SLC30A8: variants seen among roughly 807,000 people sequenced by gnomAD.
SLC30A8 encodes solute carrier family 30 member 8, also known as proton-coupled zinc antiporter SLC30A8.
Under a neutral mutation model 36.9 loss-of-function variants are expected in SLC30A8, and 27 were observed. That is an observed-to-expected ratio of 0.73 (90% confidence interval 0.54 to 1.01). SLC30A8 has a LOEUF of 1.01. Among genes scored for constraint, SLC30A8 ranks in the 50% least tolerant of loss-of-function variants. SLC30A8 has a pLI of 0.00. For synonymous variants in SLC30A8, 164 were observed against 172.4 expected, an observed-to-expected ratio of 0.95 and a Z score of 0.38; for missense variants, 439 against 452.0, an observed-to-expected ratio of 0.97 and a Z score of 0.26.
At chr8:117,166,204 AT>A (rs895640564) in intron 6 of SLC30A8, among the ~76,000 whole-genome samples, 1 of 152,190 alleles carries the variant, frequency 6.6e-6, no homozygotes, top group African/African-American at 2.4e-5. Context: ...ATCACTATGA[AT>A]TATCTGTATG....
upstream of SLC30A8, among the ~76,000 whole-genome samples, chr8:117,130,704 G>T (rs1231929207): frequency 6.6e-6 from 1 of 151,854 alleles, no homozygotes; most frequent in Non-Finnish European, 1.5e-5. Flanking sequence ...TAAATAAAAA[G>T]ACATATAGTT....
At chr8:117,094,723 T>C (rs536252149) in intron 2 of SLC30A8, among the ~76,000 whole-genome samples, 13 of 152,196 alleles carry the variant, frequency 8.5e-5, no homozygotes, top group Non-Finnish European at 1.6e-4. Context: ...GGTGGGGCTT[T>C]ACCTGGGACC....
intron 1 of SLC30A8, among the ~76,000 whole-genome samples, chr8:116,963,488 C>T (rs1814499798): frequency 6.6e-6 from 1 of 152,216 alleles, no homozygotes; most frequent in East Asian, 1.9e-4. Flanking sequence ...ATGGATTTGT[C>T]AATTCTGAAT....
At chr8:117,009,854 G>T (rs966753024) in intron 1 of SLC30A8, among the ~76,000 whole-genome samples, 1 of 152,154 alleles carries the variant, frequency 6.6e-6, no homozygotes, top group South Asian at 2.1e-4. Context: ...TATGTCATGG[G>T]AACATTTTTT....
chr8:116,964,484 C>A (rs372634982), intron 1 of SLC30A8, among the ~76,000 whole-genome samples: 25 of 152,272 alleles, frequency 1.6e-4, no homozygotes, highest in African/African-American at 6.0e-4. Flanking sequence ...TTAAGGGGGG[C>A]AGCCAGCTCC....
chr8:117,066,355 G>A (rs1818170032), intron 2 of SLC30A8, among the ~76,000 whole-genome samples: 1 of 152,168 alleles, frequency 6.6e-6, no homozygotes, highest in South Asian at 2.1e-4. Context: ...CTTGTTCAGA[G>A]ATTTTAAATT....
At chr8:116,981,030 A>G (rs1362308292) in intron 1 of SLC30A8, among the ~76,000 whole-genome samples, 1 of 152,182 alleles carries the variant, frequency 6.6e-6, no homozygotes, top group African/African-American at 2.4e-5. Context: ...GAGGGTCACA[A>G]ATTCAGGCAG....
chr8:117,036,824 A>C (rs1586427614), intron 1 of SLC30A8, among the ~76,000 whole-genome samples: 1 of 152,140 alleles, frequency 6.6e-6, no homozygotes, highest in Non-Finnish European at 1.5e-5. Flanking sequence ...CTGAGACTCG[A>C]TGTGGCCCAG....
intron 2 of SLC30A8, among the ~76,000 whole-genome samples, chr8:117,042,014 A>T (rs1817403186): frequency 6.6e-6 from 1 of 152,242 alleles, no homozygotes; most frequent in African/African-American, 2.4e-5. Context: ...TACAGTCTTC[A>T]TCTCTATCCT....
intron 1 of SLC30A8, among the ~76,000 whole-genome samples, chr8:116,953,881 T>A (rs559967972): frequency 6.6e-6 from 1 of 152,324 alleles, no homozygotes; most frequent in Admixed American, 6.5e-5. Flanking sequence ...AATTCATTCA[T>A]GAGATTTAAG....
intron 2 of SLC30A8, chr8:117,056,116 A>AT (rs1817862574): frequency 2.0e-5 from 3 of 152,312 alleles, no homozygotes; most frequent in Non-Finnish European, 4.4e-5. Flanking sequence ...CCTCCAGTAA[A>AT]GATGGTTGAT....
chr8:117,076,727 T>C (rs1230203861), intron 2 of SLC30A8, among the ~76,000 whole-genome samples: 1 of 152,128 alleles, frequency 6.6e-6, no homozygotes. Flanking sequence ...TTTATCTATC[T>C]CCACTGGACT....
At chr8:117,098,029 AT>A (rs1392182111) in intron 2 of SLC30A8, among the ~76,000 whole-genome samples, 1 of 134,126 alleles carries the variant, frequency 7.5e-6, no homozygotes, top group Non-Finnish European at 1.5e-5. Flanking sequence ...AAATAAATAT[AT>A]TAAATAAATA....
chr8:117,172,997 A>C lies in SLC30A8; in HGVS notation c.*316A>C, dbSNP rs1309612468. The C allele has an allele frequency of 3.6e-6, 1 of 278,942 alleles. No homozygotes were observed. The highest frequency in any genetic ancestry group is 6.7e-6 in the Non-Finnish European group (1 of 148,596). 17.3% of individuals were successfully genotyped at this position (278,942 alleles called of 1,614,324 possible). Reference sequence around the variant, plus strand: ...AAATTCATCTCCCTTCCAATAATGCATCTTGAGAACACATAGGTAAATTTG... The same window carrying C: ...AAATTCATCTCCCTTCCAATAATGCCTCTTGAGAACACATAGGTAAATTTG... On this transcript the variant is annotated 3_prime_UTR_variant, in exon 8 of 8. Transcript: ENST00000456015.
chr8:117,161,702 C>A (rs201272819), intron 4 of SLC30A8, 36 bp from the exon 5 acceptor site: 15 of 1,584,006 alleles, frequency 9.5e-6, no homozygotes, highest in Non-Finnish European at 1.2e-5. Flanking sequence ...TTAAGACTGA[C>A]CTCATGTGTG....
intron 1 of SLC30A8, among the ~76,000 whole-genome samples, chr8:116,976,895 C>T (rs975639666): frequency 4.7e-5 from 7 of 150,132 alleles, no homozygotes; most frequent in Admixed American, 4.0e-4. Flanking sequence ...CAGCTCACTG[C>T]AACCTCCACC....
chr8:116,953,552 C>G (rs1814076061), intron 1 of SLC30A8, among the ~76,000 whole-genome samples: 1 of 152,022 alleles, frequency 6.6e-6, no homozygotes. Context: ...CATATCATTC[C>G]ACAGCTCTGT....
intron 1 of SLC30A8, among the ~76,000 whole-genome samples, chr8:116,953,246 A>G (rs964845745): frequency 1.3e-5 from 2 of 152,076 alleles, no homozygotes; most frequent in African/African-American, 2.4e-5. Context: ...GTGAATACGT[A>G]CCACATTTTT....
At chr8:117,030,915 A>T (rs1299987873) in intron 1 of SLC30A8, among the ~76,000 whole-genome samples, 2 of 152,240 alleles carry the variant, frequency 1.3e-5, no homozygotes, top group Non-Finnish European at 2.9e-5. Context: ...AGCTGAGAAC[A>T]CGTCTTGGAA....
Sources: allele counts gnomAD v4.1 joint callset (sites outside exome capture counted in the v4.1 genomes callset), GRCh38; gene constraint gnomAD v4.1.1; transcripts MANE v1.5; gene names NCBI Gene and HGNC (gene_info 2026-07-23, HGNC 2026-07-21).